Variants in SYNE1 observed in about 807,000 individuals in gnomAD.
SYNE1 encodes the protein spectrin repeat containing nuclear envelope protein 1, also known as nesprin-1.
A neutral mutation model predicts 1,111.0 loss-of-function variants in SYNE1; 616 were observed. The ratio of observed to expected loss-of-function variants is 0.55; its 90% CI spans 0.52 to 0.59. SYNE1 has a LOEUF of 0.59. SYNE1 is among the 20% of genes least tolerant of loss of function. SYNE1 has a pLI of 0.00. For synonymous variants in SYNE1, 3,855 were observed against 3,825.8 expected, an observed-to-expected ratio of 1.01 and a Z score of -0.28; for missense variants, 10,006 against 10,417.0, an observed-to-expected ratio of 0.96 and a Z score of 1.72.
chr6:152,493,753 G>A (rs1051762302), intron 11 of SYNE1, among the ~76,000 whole-genome samples: 3 of 152,054 alleles, frequency 2.0e-5, no homozygotes, highest in Non-Finnish European at 4.4e-5. Flanking sequence ...GATCGTGTCC[G>A]GCTAATCTCC....
chr6:152,399,920 T>A, intron 47 of SYNE1, 97 bp from the exon 48 acceptor site: 4 of 1,331,888 alleles, frequency 3.0e-6, no homozygotes, highest in Non-Finnish European at 3.2e-6. Context: ...GAAATTGACA[T>A]TGTTGAATCC....
At chr6:152,376,657 C>G in intron 57 of SYNE1, 99 bp from the exon 58 acceptor site, 1 of 1,556,460 alleles carries the variant, frequency 6.4e-7, no homozygotes, top group Non-Finnish European at 8.8e-7. Flanking sequence ...GTGCACTTAC[C>G]TCACTTAGTA....
intron 11 of SYNE1, among the ~76,000 whole-genome samples, chr6:152,491,788 A>G (rs1288620068): frequency 1.3e-5 from 2 of 151,884 alleles, no homozygotes; most frequent in African/African-American, 4.8e-5. Context: ...CTCCACCCCA[A>G]GCTCTGAGTC....
intron 3 of SYNE1, among the ~76,000 whole-genome samples, chr6:152,549,567 C>T (rs13216059): frequency 0.13 from 19,954 of 152,142 alleles, 1,939 homozygotes; most frequent in Non-Finnish European, 0.19. Flanking sequence ...TTTAATCAGA[C>T]AAGTAATGGA....
chr6:152,441,991 G>C (rs2098534781), intron 31 of SYNE1, 84 bp downstream of exon 31: 5 of 1,514,122 alleles, frequency 3.3e-6, no homozygotes, highest in Non-Finnish European at 4.6e-6. Context: ...CGGTAACAAA[G>C]GTTCGCCTTG....
chr6:152,513,422 T>C (rs970193769), intron 6 of SYNE1, among the ~76,000 whole-genome samples: 1 of 152,188 alleles, frequency 6.6e-6, no homozygotes. Flanking sequence ...CTTGGCTCAC[T>C]GCAACCTCCA....
At position 152,234,455 on chromosome 6, in the gene SYNE1, C is replaced by T. The variant is rs1029522314; in HGVS notation, c.20529+213G>A. Among the ~76,000 whole-genome samples the T allele has an allele frequency of 8.5e-5, 13 of 152,126 alleles. No individual in the cohort carries two copies. The South Asian group carries it at 1.0e-3, about 12-fold the overall frequency. Reference sequence around the variant, plus strand: ...GATTATAGGCATGCACTACCACGCCCGGCTAATATTTGTATTTTTAGTAGA... The same window carrying T: ...GATTATAGGCATGCACTACCACGCCTGGCTAATATTTGTATTTTTAGTAGA... On this transcript the variant is annotated intron_variant, in intron 111 of 145. Coordinates refer to ENST00000367255, the MANE Select transcript of SYNE1 (RefSeq NM_182961.4).
At chr6:152,299,941 G>A (rs1485061807) in intron 93 of SYNE1, among the ~76,000 whole-genome samples, 1 of 151,916 alleles carries the variant, frequency 6.6e-6, no homozygotes, top group East Asian at 1.9e-4. Context: ...AAAGTCTTTG[G>A]TTACTATAAA....
intron 3 of SYNE1, among the ~76,000 whole-genome samples, chr6:152,599,615 G>T (rs943967990): frequency 5.3e-5 from 8 of 152,100 alleles, no homozygotes; most frequent in African/African-American, 1.9e-4. Context: ...CAATTCCTTT[G>T]GTAAGAATCC....
rs886043161 is a variant in SYNE1, at chr6:152,330,750, T to TAAA, written c.13934_13935insTTT (p.Leu4645dup). 4 of 1,613,918 alleles carry TAAA rather than the reference T, an allele frequency of 2.5e-6. No homozygotes were observed. The highest frequency in any genetic ancestry group is 3.4e-6 in the Non-Finnish European group (4 of 1,180,042). ...CATTAAATTGTCGAGGCAAAGCATT[T>TAAA]AGCTTTTCACTGAGGTAGGAATGAT... is the stretch of plus-strand genomic sequence containing the variant. On this transcript the variant is annotated inframe_insertion, in exon 78 of 146. Coordinates refer to ENST00000367255, the MANE Select transcript of SYNE1 (RefSeq NM_182961.4).
Position 152,323,548 on chromosome 6 carries a change from C to T in SYNE1, c.15847G>A (p.Ala5283Thr), listed in dbSNP as rs2095949949. The change falls in exon 82 of 146, where the codon GCC (alanine) becomes ACC (threonine). Residue 5283 changes from alanine (A) to threonine (T), a missense_variant. Ala to Thr is a moderately conservative substitution (Grantham distance 58, BLOSUM62 0). Coordinates refer to ENST00000367255, the MANE Select transcript of SYNE1 (RefSeq NM_182961.4). Reference protein sequence around the residue: ...QQTLSMLQDGAAPTPGEEPPL... With the variant: ...QQTLSMLQDGTAPTPGEEPPL... ...GGCTCTTCCCCAGGGGTTGGGGCGG[C>T]TCCATCCTGGAGCATGCTCAGGGTT... The T allele has an allele frequency of 6.2e-7, 1 of 1,614,268 alleles. No individual in the cohort carries two copies. The highest frequency in any genetic ancestry group is 8.5e-7 in the Non-Finnish European group (1 of 1,180,052).
chr6:152,194,748 T>G (rs1009633522), intron 127 of SYNE1, among the ~76,000 whole-genome samples: 1 of 152,146 alleles, frequency 6.6e-6, no homozygotes, highest in Non-Finnish European at 1.5e-5. Context: ...AGCTCACGAA[T>G]TCTTTCCTCT....
chr6:152,215,406 T>C (rs1198303715), intron 121 of SYNE1, among the ~76,000 whole-genome samples: 5 of 152,132 alleles, frequency 3.3e-5, no homozygotes, highest in African/African-American at 9.7e-5. Flanking sequence ...TATTATTTAC[T>C]TGATTTTTAT....
At chr6:152,459,941 C>T (rs2098721394) in intron 21 of SYNE1, among the ~76,000 whole-genome samples, 1 of 152,114 alleles carries the variant, frequency 6.6e-6, no homozygotes, top group African/African-American at 2.4e-5. Flanking sequence ...GAAGTATACA[C>T]TCATCAAAAG....
intron 34 of SYNE1, among the ~76,000 whole-genome samples, chr6:152,432,147 C>A (rs2098435760): frequency 6.6e-6 from 1 of 152,106 alleles, no homozygotes; most frequent in Non-Finnish European, 1.5e-5. Context: ...ATGTTCTTAT[C>A]ATTTATCAAT....
At chr6:152,286,303 C>T (rs1336817960) in intron 95 of SYNE1, among the ~76,000 whole-genome samples, 3 of 152,090 alleles carry the variant, frequency 2.0e-5, no homozygotes, top group East Asian at 3.9e-4. Flanking sequence ...CTACTGCTGT[C>T]CTCAAAAATC....
At chr6:152,627,748 A>G (rs2099688784) in intron 3 of SYNE1, among the ~76,000 whole-genome samples, 1 of 152,202 alleles carries the variant, frequency 6.6e-6, no homozygotes, top group South Asian at 2.1e-4. Context: ...GTACCCTGCC[A>G]CGAACAATTC....
At chr6:152,617,643 T>A (rs1420840314) in intron 3 of SYNE1, among the ~76,000 whole-genome samples, 1 of 152,236 alleles carries the variant, frequency 6.6e-6, no homozygotes, top group Non-Finnish European at 1.5e-5. Context: ...TAAGACAAGA[T>A]GCCTACTTTC....
chr6:152,211,691 G>T, intron 123 of SYNE1, 103 bp from the exon 124 acceptor site: 1 of 887,132 alleles, frequency 1.1e-6, no homozygotes, highest in Non-Finnish European at 1.8e-6. Context: ...GACTATGAAA[G>T]CTATCACCAG....
Sources: gnomAD v4.1 joint callset for allele counts (sites outside exome capture counted in the v4.1 genomes callset) on GRCh38, gnomAD v4.1.1 for gene constraint, MANE v1.5 for transcripts, NCBI Gene and HGNC (gene_info 2026-07-23, HGNC 2026-07-21) for gene names.